Variants in NRXN1 observed in about 807,000 individuals in gnomAD.
NRXN1 encodes the protein neurexin-1.
A neutral mutation model predicts 150.9 loss-of-function variants in NRXN1; 39 were observed. That is an observed-to-expected ratio of 0.26 (90% CI 0.20 to 0.34). NRXN1 has a LOEUF of 0.34. Among genes scored for constraint, NRXN1 ranks in the 10% least tolerant of loss-of-function variants. NRXN1 has a pLI of 1.00. For synonymous variants in NRXN1, 924 were observed against 757.0 expected (o/e 1.22, Z -3.62); for missense variants, 1,815 against 1,949.9 (o/e 0.93, Z 1.30).
chr2:50,256,653 C>T (rs952081987), intron 17 of NRXN1, among the ~76,000 whole-genome samples: 1 of 152,116 alleles, frequency 6.6e-6, no homozygotes, highest in Non-Finnish European at 1.5e-5. Flanking sequence ...TCTTTAATAA[C>T]AGAACTTTTG....
chr2:50,289,611 G>A (rs1475957802), intron 17 of NRXN1, among the ~76,000 whole-genome samples: 1 of 151,992 alleles, frequency 6.6e-6, no homozygotes, highest in Non-Finnish European at 1.5e-5. Flanking sequence ...TATTCCTAAA[G>A]GCAATTTACT....
At chr2:50,730,288 C>G (rs1303231158) in intron 5 of NRXN1, among the ~76,000 whole-genome samples, 3 of 152,080 alleles carry the variant, frequency 2.0e-5, no homozygotes, top group Admixed American at 2.0e-4. Context: ...CTATTGTCGG[C>G]CTGACTGGCA....
intron 21 of NRXN1, among the ~76,000 whole-genome samples, chr2:50,044,528 C>T (rs182729520): frequency 2.4e-3 from 363 of 152,258 alleles, no homozygotes; most frequent in African/African-American, 7.9e-3. Flanking sequence ...ACTTAAGAAG[C>T]ATGTTTCCCC....
At chr2:50,658,072 C>T (rs540078265) in intron 5 of NRXN1, among the ~76,000 whole-genome samples, 2 of 152,128 alleles carry the variant, frequency 1.3e-5, no homozygotes, top group South Asian at 4.1e-4. Flanking sequence ...TTGATGTGCT[C>T]TCAGCAGATC....
chr2:50,169,439 G>T (rs1574292446), intron 18 of NRXN1, among the ~76,000 whole-genome samples: 1 of 152,114 alleles, frequency 6.6e-6, no homozygotes, highest in South Asian at 2.1e-4. Context: ...GGTAGGCAGG[G>T]CCCAGTGGCT....
intron 21 of NRXN1, chr2:50,019,392 C>T: frequency 1.1e-5 from 5 of 459,868 alleles, no homozygotes; most frequent in South Asian, 6.3e-5. Context: ...CGCCTGTAAT[C>T]CTAGCACTTT....
chr2:50,916,017 G>T (rs1193340929), intron 5 of NRXN1, among the ~76,000 whole-genome samples: 5 of 145,330 alleles, frequency 3.4e-5, no homozygotes, highest in African/African-American at 1.3e-4. Flanking sequence ...TCCCTCAAAT[G>T]AAAATCTTGA....
intron 21 of NRXN1, among the ~76,000 whole-genome samples, chr2:50,025,331 G>A (rs1007866525): frequency 6.6e-6 from 1 of 152,184 alleles, no homozygotes; most frequent in Non-Finnish European, 1.5e-5. Flanking sequence ...GGGAACAGTA[G>A]CAAATATGAG....
intron 17 of NRXN1, among the ~76,000 whole-genome samples, chr2:50,430,972 A>G (rs2104367803): frequency 6.6e-6 from 1 of 152,252 alleles, no homozygotes; most frequent in East Asian, 1.9e-4. Flanking sequence ...TTCATATGAT[A>G]CTAGTTCTGT....
chr2:50,586,689 G>C (rs1428081297), intron 8 of NRXN1, among the ~76,000 whole-genome samples: 1 of 152,054 alleles, frequency 6.6e-6, no homozygotes, highest in Non-Finnish European at 1.5e-5. Context: ...CCCTTTTCCA[G>C]TTCAGTGAGA....
intron 16 of NRXN1, chr2:50,466,361 C>A: frequency 2.9e-6 from 1 of 349,320 alleles, no homozygotes; most frequent in Non-Finnish European, 5.7e-6. Context: ...AATCTGAACC[C>A]AAATAACAGT....
intron 18 of NRXN1, among the ~76,000 whole-genome samples, chr2:50,141,627 C>T (rs992846103): frequency 2.0e-5 from 3 of 151,874 alleles, no homozygotes; most frequent in Non-Finnish European, 4.4e-5. Context: ...CAAATAAACA[C>T]GTTAAAGAGT....
At chr2:50,690,599 T>C (rs1294365822) in intron 5 of NRXN1, among the ~76,000 whole-genome samples, 4 of 152,182 alleles carry the variant, frequency 2.6e-5, no homozygotes, top group Admixed American at 6.5e-5. Flanking sequence ...ATAAGTGTAA[T>C]TGAAGTGAAC....
chr2:49,993,727 A>G (rs1265739145), intron 21 of NRXN1, among the ~76,000 whole-genome samples: 2 of 152,206 alleles, frequency 1.3e-5, no homozygotes, highest in African/African-American at 4.8e-5. Context: ...CTTTTGAGAA[A>G]TTAAAAGACA....
chr2:49,926,848 T>A (rs1430672073), intron 22 of NRXN1, among the ~76,000 whole-genome samples: 1 of 152,208 alleles, frequency 6.6e-6, no homozygotes, highest in Admixed American at 6.5e-5. Flanking sequence ...GAAAATATGT[T>A]TGAGACACAT....
At position 50,182,555 on chromosome 2, in the gene NRXN1, T is replaced by C. The variant is rs555273489; in HGVS notation, c.3546+54234A>G. Among the ~76,000 whole-genome samples the C allele has an allele frequency of 2.6e-5, 4 of 152,216 alleles. No individual in the cohort carries two copies. The East Asian group carries it at 7.7e-4, about 29-fold the overall frequency. On this transcript the variant is annotated intron_variant, in intron 18 of 22. Coordinates refer to ENST00000401669, the MANE Select transcript of NRXN1 (RefSeq NM_001330078.2). ...CAATGGAGGCATGAATTCAAATTTG[T>C]CCACATAAATTTGACCTCCTAATGC... is the stretch of plus-strand genomic sequence containing the variant.
chr2:50,273,341 T>C (rs2069964296), intron 17 of NRXN1, among the ~76,000 whole-genome samples: 1 of 152,214 alleles, frequency 6.6e-6, no homozygotes, highest in Non-Finnish European at 1.5e-5. Context: ...CAAGCCTGCA[T>C]TAAAGTTAGT....
intron 17 of NRXN1, among the ~76,000 whole-genome samples, chr2:50,384,943 A>G (rs2081225607): frequency 6.6e-6 from 1 of 152,094 alleles, no homozygotes; most frequent in African/African-American, 2.4e-5. Flanking sequence ...CCTTCCAATC[A>G]ATGTGTTTTG....
At chr2:50,945,372 G>A (rs1031076394) in intron 2 of NRXN1, among the ~76,000 whole-genome samples, 1 of 152,116 alleles carries the variant, frequency 6.6e-6, no homozygotes, top group Non-Finnish European at 1.5e-5. Context: ...GCTGAGGCAG[G>A]AGGATTGCTT....
Sources: allele counts gnomAD v4.1 joint callset (sites outside exome capture counted in the v4.1 genomes callset), GRCh38; gene constraint gnomAD v4.1.1; transcripts MANE v1.5; gene names NCBI Gene and HGNC (gene_info 2026-07-23, HGNC 2026-07-21).